The following FAT3 variants were observed in gnomAD, a reference collection of about 807,000 sequenced individuals.
FAT3 encodes the protein FAT atypical cadherin 3.
A neutral mutation model predicts 310.2 loss-of-function variants in FAT3; 95 were observed. The observed-to-expected ratio is 0.31, with a 90% confidence interval of 0.26 to 0.36. The LOEUF is 0.36. FAT3 is among the 10% of genes least tolerant of loss of function. FAT3 has a pLI of 1.00. For missense variants in FAT3, 5,408 were observed against 5,715.6 expected (o/e 0.95, Z 1.74); for synonymous variants, 2,314 against 2,192.9 (o/e 1.06, Z -1.54).
At chr11:92,351,345 A>G (rs1948560553) in intron 1 of FAT3, among the ~76,000 whole-genome samples, 1 of 152,178 alleles carries the variant, frequency 6.6e-6, no homozygotes, top group African/African-American at 2.4e-5. Flanking sequence ...AAAAGATTAT[A>G]ATTATAAAAG....
intron 3 of FAT3, among the ~76,000 whole-genome samples, chr11:92,583,203 A>G (rs923888992): frequency 6.6e-6 from 1 of 152,004 alleles, no homozygotes; most frequent in African/African-American, 2.4e-5. Flanking sequence ...GACCTTTCCC[A>G]TTAAGGGAGG....
intron 19 of FAT3, among the ~76,000 whole-genome samples, chr11:92,852,240 G>A (rs1480686623): frequency 6.6e-6 from 1 of 152,194 alleles, no homozygotes; most frequent in African/African-American, 2.4e-5. Flanking sequence ...GGAAAGAACT[G>A]CAATGTGGCA....
At chr11:92,311,343 G>A (rs1436849339) in intron 1 of FAT3, among the ~76,000 whole-genome samples, 1 of 152,068 alleles carries the variant, frequency 6.6e-6, no homozygotes, top group African/African-American at 2.4e-5. Flanking sequence ...GTATTTTATT[G>A]GGGACGGAGA....
intron 2 of FAT3, among the ~76,000 whole-genome samples, chr11:92,446,599 G>T (rs1450766549): frequency 6.6e-6 from 1 of 151,652 alleles, no homozygotes; most frequent in African/African-American, 2.4e-5. Context: ...TTTTCAAGGT[G>T]ATTGATTCCT....
chr11:92,680,635 A>G (rs1029200500), intron 3 of FAT3, among the ~76,000 whole-genome samples: 18 of 152,184 alleles, frequency 1.2e-4, no homozygotes, highest in Non-Finnish European at 1.9e-4. Context: ...TTTTTCCTAA[A>G]AAATTAAATG....
At chr11:92,656,293 CT>C (rs1272094960) in intron 3 of FAT3, among the ~76,000 whole-genome samples, 2 of 152,186 alleles carry the variant, frequency 1.3e-5, no homozygotes, top group African/African-American at 4.8e-5. Context: ...CCAGTCAGCA[CT>C]TGATTAATTT....
At position 92,486,044 on chromosome 11, in the gene FAT3, A is replaced by G. The variant is rs191627895; in HGVS notation, c.3293-38590A>G. ...AATTTTTAGGTTGGCACTGTACACT[A>G]TAGGTAGGAGATATGGGAAAAATAT... On this transcript the variant is annotated intron_variant, in intron 2 of 27. Coordinates refer to ENST00000525166, the MANE Select transcript of FAT3 (RefSeq NM_001367949.2). Among the ~76,000 whole-genome samples the G allele has an allele frequency of 8.9e-4, 133 of 149,612 alleles. 2 individuals carry two copies. The highest frequency in any genetic ancestry group is 3.0e-3 in the African/African-American group (124 of 40,894).
chr11:92,589,005 A>T lies in FAT3; in HGVS notation c.3607+64057A>T, dbSNP rs993987850. 2.6e-5 allele frequency among the ~76,000 whole-genome samples: 4 copies of T among 152,228 alleles called. No individual in the cohort carries two copies. The South Asian group carries it at 6.2e-4, about 24-fold the overall frequency. ...ATTAATGTGATAGGTCTGAGGTGAG[A>T]GTACATGTTGATTGGGTGGCACTAT... On this transcript the variant is annotated intron_variant, in intron 3 of 27. Coordinates refer to ENST00000525166, the MANE Select transcript of FAT3 (RefSeq NM_001367949.2).
At position 92,866,907 on chromosome 11, in the gene FAT3, G is replaced by A. The variant is rs752185173; in HGVS notation, c.11825G>A (p.Arg3942Gln). 6 of 1,613,938 alleles carry A rather than the reference G, an allele frequency of 3.7e-6. No homozygotes were observed. The highest frequency in any genetic ancestry group is 3.3e-4 in the Middle Eastern group (2 of 6,062). ...SLDDSYVERR[R>Q]APLYFQTLST... ...GATGACAGCTACGTGGAGCGGCGCC[G>A]GGCGCCCCTCTACTTCCAGACGCTG... Residue 3942 changes from arginine (R) to glutamine (Q), a missense_variant, in exon 22 of 28, where the codon CGG becomes CAG. Around this residue, in one of 5 missense-constraint regions of FAT3, gnomAD observed 4,588 missense variants for 4,809.8 expected, o/e 0.95. Transcript: ENST00000525166.
At chr11:92,688,234 A>AAC (rs1210711487) in intron 3 of FAT3, among the ~76,000 whole-genome samples, 10 of 152,040 alleles carry the variant, frequency 6.6e-5, no homozygotes, top group Admixed American at 6.6e-4. Flanking sequence ...GTAAAGTCAA[A>AAC]ACAAACATGG....
Position 92,385,909 on chromosome 11 carries a change from G to A in FAT3, c.3292+30505G>A, listed in dbSNP as rs546992856. Among the ~76,000 whole-genome samples, 9 of 152,164 alleles carry A rather than the reference G, an allele frequency of 5.9e-5. No individual in the cohort carries two copies. In the East Asian group the frequency reaches 1.2e-3, roughly 20 times the overall value. On this transcript the variant is annotated intron_variant, in intron 2 of 27. Transcript: ENST00000525166. ...GCCTGTAATCCCAGCACTTTGAGAG[G>A]CCAAGGTGGGCGGATCACTTGAGTC...
chr11:92,856,218 G>A (rs996369317), intron 19 of FAT3, among the ~76,000 whole-genome samples: 1 of 152,134 alleles, frequency 6.6e-6, no homozygotes. Flanking sequence ...ATCTGGCTGA[G>A]GAATGAGCTG....
intron 4 of FAT3, among the ~76,000 whole-genome samples, chr11:92,754,397 G>A (rs1290876580): frequency 6.6e-5 from 10 of 151,742 alleles, no homozygotes; most frequent in East Asian, 2.0e-4. Context: ...AGGCCGAGGC[G>A]GGCGGATCAC....
chr11:92,824,016 A>G lies in FAT3; in HGVS notation c.9482-7606A>G, dbSNP rs143863604. On this transcript the variant is annotated intron_variant, in intron 13 of 27. Coordinates refer to ENST00000525166, the MANE Select transcript of FAT3 (RefSeq NM_001367949.2). ...TTATTTGCCTTCCACAGAGAATGAG[A>G]GAAGAATTTTAGGCTAGCCATTTTG... 6.2e-3 allele frequency among the ~76,000 whole-genome samples: 951 copies of G among 152,220 alleles called. 7 individuals are homozygous for G. The highest frequency in any genetic ancestry group is 0.022 in the African/African-American group (910 of 41,540).
At position 92,454,768 on chromosome 11, in the gene FAT3, G is replaced by C. The variant is rs570323330; in HGVS notation, c.3293-69866G>C. On this transcript the variant is annotated intron_variant, in intron 2 of 27. Coordinates refer to ENST00000525166, the MANE Select transcript of FAT3 (RefSeq NM_001367949.2). ...AAGGGCCAGTGAAATTTTAAATGCA[G>C]TATCATTAGAGTAGACGTGTGTGCA... Among the ~76,000 whole-genome samples, 15 of 152,220 alleles carry C rather than the reference G, an allele frequency of 9.9e-5. No individual in the cohort carries two copies. The South Asian group carries it at 2.7e-3, about 27-fold the overall frequency.
rs150550846 is a variant in FAT3, at chr11:92,639,657, C to T, written c.3608-57727C>T. On this transcript the variant is annotated intron_variant, in intron 3 of 27. Coordinates refer to ENST00000525166, the MANE Select transcript of FAT3 (RefSeq NM_001367949.2). The stretch of plus-strand genomic sequence containing the variant: ...ACAGAAATGCCTGAGTTGTGTGAGT[C>T]TACTCAGCCAGTGAGGAGGATGTAT... Among the ~76,000 whole-genome samples, 693 of 152,270 alleles carry T rather than the reference C, an allele frequency of 4.6e-3. 4 individuals carry two copies. Among genetic ancestry groups the T allele is most frequent in the African/African-American group, 0.016 (660 of 41,552 alleles).
At chr11:92,351,352 A>G (rs1479659449) in intron 1 of FAT3, among the ~76,000 whole-genome samples, 2 of 152,176 alleles carry the variant, frequency 1.3e-5, no homozygotes, top group South Asian at 2.1e-4. Flanking sequence ...TATAATTATA[A>G]AAGTAATTAT....
chr11:92,296,004 A>C (rs1946837169), intron 1 of FAT3, among the ~76,000 whole-genome samples: 1 of 152,040 alleles, frequency 6.6e-6, no homozygotes, highest in Non-Finnish European at 1.5e-5. Context: ...CTGTTCTGGT[A>C]ATTGTGGAGA....
At chr11:92,880,163 C>T (rs1273420679) in intron 22 of FAT3, among the ~76,000 whole-genome samples, 4 of 150,962 alleles carry the variant, frequency 2.6e-5, no homozygotes, top group Non-Finnish European at 4.4e-5. Flanking sequence ...AAATCAGGAT[C>T]GGACCAGGGG....
Sources: allele counts gnomAD v4.1 joint callset (sites outside exome capture counted in the v4.1 genomes callset), GRCh38; gene constraint gnomAD v4.1.1; regional missense constraint gnomAD v4.1.1; transcripts MANE v1.5; gene names NCBI Gene and HGNC (gene_info 2026-07-23, HGNC 2026-07-21).